PCNX2: variants seen among roughly 807,000 people sequenced by gnomAD.
PCNX2 encodes pecanex 2, also known as pecanex-like protein 2.
A neutral mutation model predicts 223.8 loss-of-function variants in PCNX2; 168 were observed. That is an observed-to-expected ratio of 0.75 (90% confidence interval 0.66 to 0.85). The LOEUF (loss-of-function observed/expected upper bound fraction) is 0.85, where lower values mean the gene tolerates loss of function less well. PCNX2 is among the 40% of genes least tolerant of loss of function. PCNX2 has a pLI of 0.00. For synonymous variants in PCNX2, 1,006 were observed against 1,052.6 expected (o/e 0.96, Z 0.86); for missense variants, 2,507 against 2,675.5 (o/e 0.94, Z 1.39).
chr1:233,241,787 T>A (rs1201214052), intron 8 of PCNX2, among the ~76,000 whole-genome samples: 2 of 152,324 alleles, frequency 1.3e-5, no homozygotes, highest in East Asian at 3.9e-4. Flanking sequence ...TCGAGAGAAG[T>A]CACAATGTTT....
At chr1:233,217,980 G>T (rs1322916045) in intron 11 of PCNX2, 49 bp from the exon 12 acceptor site, 1 of 1,613,228 alleles carries the variant, frequency 6.2e-7, no homozygotes, top group Non-Finnish European at 8.5e-7. Context: ...TGATTTCAAG[G>T]CTACATTAGT....
At chr1:233,204,795 CG>C (rs1170154956) in intron 13 of PCNX2, among the ~76,000 whole-genome samples, 1 of 152,136 alleles carries the variant, frequency 6.6e-6, no homozygotes, top group African/African-American at 2.4e-5. Context: ...GTTATTTAAT[CG>C]GCTTGCTGGA....
chr1:233,228,418 G>A (rs1175430372), intron 9 of PCNX2, among the ~76,000 whole-genome samples: 1 of 152,110 alleles, frequency 6.6e-6, no homozygotes, highest in Non-Finnish European at 1.5e-5. Flanking sequence ...ATTCAATAGT[G>A]TTAACCATAT....
At chr1:233,306,173 T>G in the PCNX2 span, among the ~76,000 whole-genome samples, 17 of 152,198 alleles carry the variant, frequency 1.1e-4, no homozygotes, top group African/African-American at 7.2e-5. Context: ...AGAAAAGCGT[T>G]TTATAATGAT....
chr1:233,157,485 T>C (rs1033272104), intron 19 of PCNX2, among the ~76,000 whole-genome samples: 21 of 152,208 alleles, frequency 1.4e-4, no homozygotes, highest in African/African-American at 5.1e-4. Flanking sequence ...GTTAGTGATG[T>C]CTGCCCTGGA....
At chr1:233,264,631 T>C (rs1397551234) in intron 1 of PCNX2, among the ~76,000 whole-genome samples, 1 of 152,028 alleles carries the variant, frequency 6.6e-6, no homozygotes, top group Non-Finnish European at 1.5e-5. Flanking sequence ...CAAATAAATA[T>C]AAAGCAAGCA....
At chr1:233,235,958 A>AAATATATATG (rs1558376430) in intron 9 of PCNX2, among the ~76,000 whole-genome samples, 9 of 19,358 alleles carry the variant, frequency 4.6e-4, no homozygotes, top group African/African-American at 9.2e-4. Context: ...ATAAAAAAAA[A>AAATATATATG]TATATATATA....
intron 17 of PCNX2, among the ~76,000 whole-genome samples, chr1:233,162,114 T>C (rs1678523156): frequency 6.6e-6 from 1 of 152,014 alleles, no homozygotes; most frequent in Admixed American, 6.6e-5. Flanking sequence ...AAAACTGTAG[T>C]GTAAGCAGTG....
At chr1:233,007,388 AAG>A (rs891150759) in intron 28 of PCNX2, among the ~76,000 whole-genome samples, 1 of 152,118 alleles carries the variant, frequency 6.6e-6, no homozygotes, top group African/African-American at 2.4e-5. Flanking sequence ...AAAGTGGAGA[AAG>A]AGAGTAAGAT....
chr1:233,169,600 G>A (rs567599925), intron 17 of PCNX2, among the ~76,000 whole-genome samples: 27 of 145,328 alleles, frequency 1.9e-4, no homozygotes, highest in African/African-American at 5.6e-4. Flanking sequence ...AGTCGAGATC[G>A]CGCCACTGCA....
intron 23 of PCNX2, among the ~76,000 whole-genome samples, chr1:233,064,581 A>G (rs578116324): frequency 2.0e-5 from 3 of 152,290 alleles, no homozygotes; most frequent in South Asian, 4.1e-4. Flanking sequence ...TTAAAATGTC[A>G]GTCCCTATGT....
chr1:233,160,265 G>A lies in PCNX2; in HGVS notation c.3517+18C>T, dbSNP rs1392096979. 6.5e-7 allele frequency: 1 copy of A among 1,547,864 alleles called. No individual in the cohort carries two copies. The highest frequency in any genetic ancestry group is 2.3e-5 in the East Asian group (1 of 43,600). The stretch of plus-strand genomic sequence containing the variant: ...CCCCTCCTTTTTTTTTTTTTTAAAT[G>A]AGGGATATATTACTAACCTCTCACT... On this transcript the variant is annotated intron_variant, in intron 19 of 33. Coordinates refer to ENST00000258229, the MANE Select transcript of PCNX2 (RefSeq NM_014801.4).
chr1:233,252,691 G>T lies in PCNX2; in HGVS notation c.1932C>A (p.Asp644Glu). Reference protein sequence around the residue: ...KQGKPDLQSQDHTSTGPACTQ... With the variant: ...KQGKPDLQSQEHTSTGPACTQ... ...TGCATGCGGGGCCGGTGCTAGTATG[G>T]TCTTGACTTTGCAAATCTGGTTTTC... Residue 644 changes from aspartate to glutamate, a missense_variant, in exon 6 of 34, where the codon GAC becomes GAA. Asp to Glu is a conservative substitution (Grantham distance 45). This residue lies in a region of PCNX2 where 1,031 missense variants were observed against 1,021.7 expected (regional missense o/e 1.01). Coordinates refer to ENST00000258229, the MANE Select transcript of PCNX2 (RefSeq NM_014801.4). The T allele has an allele frequency of 6.2e-7, 1 of 1,613,950 alleles. No homozygotes were observed. Among genetic ancestry groups the T allele is most frequent in the East Asian group, 2.2e-5 (1 of 44,876 alleles).
rs1481659999 is a variant in PCNX2 at position 233,001,703 on chromosome 1, C to T, written c.4953-22G>A. On this transcript the variant is annotated intron_variant, in intron 28 of 33. Transcript: ENST00000258229. The surrounding 1 kb of genome is among the most constrained non-coding windows in gnomAD (Gnocchi z 4.2). ...CAGGCTGCAAAACAAAGTCCTATTA[C>T]TATGGAACAAATTTCAGAATCCTGT... 2 of 1,521,306 alleles carry T rather than the reference C, an allele frequency of 1.3e-6. No homozygotes were observed. The highest frequency in any genetic ancestry group is 2.7e-5 in the African/African-American group (2 of 72,862). 94.2% of individuals were successfully genotyped at this position (1,521,306 alleles called of 1,614,324 possible). A position where few individuals can be genotyped will look rare whatever the true frequency, so the allele number is the denominator to read the frequency against.
At chr1:232,987,645 G>T (rs1164596312) in intron 32 of PCNX2, among the ~76,000 whole-genome samples, 1 of 152,188 alleles carries the variant, frequency 6.6e-6, no homozygotes, top group East Asian at 1.9e-4. Context: ...TATGCATCTG[G>T]TGATTGTGAA....
intron 21 of PCNX2, among the ~76,000 whole-genome samples, chr1:233,102,992 T>C (rs1247679784): frequency 2.0e-5 from 3 of 152,276 alleles, no homozygotes; most frequent in South Asian, 2.1e-4. Flanking sequence ...TATTGTTTCA[T>C]AGTTTCAGGT....
At chr1:233,064,750 T>C (rs1023845641) in intron 23 of PCNX2, among the ~76,000 whole-genome samples, 16 of 152,190 alleles carry the variant, frequency 1.1e-4, no homozygotes, top group African/African-American at 3.9e-4. Context: ...TTTTACCATC[T>C]ATCATTTTTT....
intron 23 of PCNX2, among the ~76,000 whole-genome samples, chr1:233,076,884 CCAAGAA>C (rs1354453068): frequency 1.3e-5 from 2 of 152,148 alleles, no homozygotes; most frequent in East Asian, 3.9e-4. Context: ...AGGGGAGTGC[CCAAGAA>C]CAAGTCTGCA....
At chr1:233,182,589 C>T (rs534235309) in intron 15 of PCNX2, among the ~76,000 whole-genome samples, 120 of 152,186 alleles carry the variant, frequency 7.9e-4, no homozygotes, top group Admixed American at 2.7e-3. Context: ...ACTCCACAGG[C>T]GATGCATAAG....
Sources: allele counts gnomAD v4.1 joint callset (sites outside exome capture counted in the v4.1 genomes callset), GRCh38; gene constraint gnomAD v4.1.1; regional missense constraint gnomAD v4.1.1; non-coding constraint Gnocchi (gnomAD v3.1); transcripts MANE v1.5; gene names NCBI Gene and HGNC (gene_info 2026-07-23, HGNC 2026-07-21).